TCF4: variants seen among roughly 807,000 people sequenced by gnomAD.
The protein encoded by TCF4 is SL3-3 enhancer factor 2.
TCF4 carries 3 observed loss-of-function variants against 82.1 expected under a neutral mutation model. The ratio of observed to expected loss-of-function variants is 0.04; its 90% confidence interval spans 0.02 to 0.09. The LOEUF (loss-of-function observed/expected upper bound fraction) is 0.09, where lower values mean the gene tolerates loss of function less well. TCF4 is among the 10% of genes least tolerant of loss of function. The pLI, the probability that TCF4 is intolerant of heterozygous loss-of-function variation, is 1.00. For missense variants in TCF4, 518 were observed against 852.7 expected, an observed-to-expected ratio of 0.61 and a Z score of 4.89; for synonymous variants, 276 against 309.6, an observed-to-expected ratio of 0.89 and a Z score of 1.14.
chr18:55,303,232 C>CACACACACACACACACACACACCCCT (rs2068912674), intron 8 of TCF4, among the ~76,000 whole-genome samples: 1 of 142,166 alleles, frequency 7.0e-6, no homozygotes, highest in South Asian at 2.4e-4. Flanking sequence ...TACGTACACA[C>CACACACACACACACACACACACCCCT]ACACACACAC....
intron 3 of TCF4, among the ~76,000 whole-genome samples, chr18:55,570,368 TAG>T (rs1326146543): frequency 1.3e-5 from 2 of 152,038 alleles, no homozygotes; most frequent in Non-Finnish European, 2.9e-5. Flanking sequence ...AGAGCTACCA[TAG>T]AGAGAGTAAA....
At chr18:55,432,394 AG>A (rs1195235275) in intron 5 of TCF4, among the ~76,000 whole-genome samples, 1 of 151,194 alleles carries the variant, frequency 6.6e-6, no homozygotes, top group Non-Finnish European at 1.5e-5. Flanking sequence ...AGTAAGTAGC[AG>A]GGAGGAAGGA....
At chr18:55,390,775 C>G (rs1380215037) in intron 6 of TCF4, among the ~76,000 whole-genome samples, 1 of 152,096 alleles carries the variant, frequency 6.6e-6, no homozygotes, top group African/African-American at 2.4e-5. Context: ...GTCTGGAGTC[C>G]AAAAACTGAT....
intron 8 of TCF4, among the ~76,000 whole-genome samples, chr18:55,296,998 C>G (rs2957289): frequency 6.6e-6 from 1 of 152,210 alleles, no homozygotes; most frequent in Middle Eastern, 3.4e-3. Flanking sequence ...AACACATTTT[C>G]TCAGCACTTC....
chr18:55,434,565 A>G (rs886675399), intron 5 of TCF4, among the ~76,000 whole-genome samples: 6 of 148,790 alleles, frequency 4.0e-5, no homozygotes, highest in African/African-American at 7.4e-5. Context: ...GACTACAGGC[A>G]CCCGCCACCA....
chr18:55,311,366 T>G (rs1312429113), intron 8 of TCF4, among the ~76,000 whole-genome samples: 1 of 152,176 alleles, frequency 6.6e-6, no homozygotes, highest in Non-Finnish European at 1.5e-5. Context: ...TGTTAAGATG[T>G]TTAGTAGCAT....
At chr18:55,317,584 G>T (rs778279490) in intron 8 of TCF4, among the ~76,000 whole-genome samples, 2 of 151,936 alleles carry the variant, frequency 1.3e-5, no homozygotes, top group Non-Finnish European at 1.5e-5. Flanking sequence ...GTTATTAGTG[G>T]CGTCATTTAA....
chr18:55,389,882 A>G (rs906137911), intron 6 of TCF4, among the ~76,000 whole-genome samples: 1 of 151,940 alleles, frequency 6.6e-6, no homozygotes. Context: ...GTATCTTGCA[A>G]GCAGAATTGA....
chr18:55,353,996 A>G (rs1276858473), intron 6 of TCF4, among the ~76,000 whole-genome samples: 1 of 152,168 alleles, frequency 6.6e-6, no homozygotes, highest in Non-Finnish European at 1.5e-5. Context: ...GCTGGGTCCC[A>G]GTAGTAGGCT....
At chr18:55,486,030 T>C (rs1181864844) in intron 3 of TCF4, among the ~76,000 whole-genome samples, 2 of 152,246 alleles carry the variant, frequency 1.3e-5, no homozygotes, top group African/African-American at 2.4e-5. Flanking sequence ...AGGCCATTTA[T>C]ATTTTCATTT....
chr18:55,251,929 G>GTT (rs1568455760), intron 15 of TCF4, among the ~76,000 whole-genome samples: 2 of 90,964 alleles, frequency 2.2e-5, no homozygotes, highest in African/African-American at 8.2e-5. Flanking sequence ...AGGGGGATGA[G>GTT]GTTTTTTTTT....
At chr18:55,292,488 T>C (rs2065313086) in intron 8 of TCF4, among the ~76,000 whole-genome samples, 1 of 152,220 alleles carries the variant, frequency 6.6e-6, no homozygotes, top group Non-Finnish European at 1.5e-5. Flanking sequence ...CTCAGGATTA[T>C]TTCTGTCTTT....
chr18:55,350,539 G>A (rs370160096), intron 7 of TCF4, 131 bp from the exon 8 acceptor site: 9 of 905,240 alleles, frequency 9.9e-6, no homozygotes, highest in South Asian at 4.2e-5. Context: ...TAGTTACCAC[G>A]ATCACATTCG....
At chr18:55,232,368 C>T in intron 17 of TCF4, 141 bp downstream of exon 17, 1 of 880,014 alleles carries the variant, frequency 1.1e-6, no homozygotes, top group Non-Finnish European at 1.8e-6. Flanking sequence ...ACTTTTAGTA[C>T]TTCTAGAGTA....
intron 3 of TCF4, among the ~76,000 whole-genome samples, chr18:55,476,380 TTGAG>T: frequency 6.6e-6 from 1 of 152,300 alleles, no homozygotes; most frequent in African/African-American, 2.4e-5. Flanking sequence ...CCATACAATA[TTGAG>T]TGAGTTAACT....
intron 3 of TCF4, among the ~76,000 whole-genome samples, chr18:55,511,602 C>T (rs976132288): frequency 6.6e-6 from 1 of 151,992 alleles, no homozygotes; most frequent in South Asian, 2.1e-4. Context: ...AGTCAAATAC[C>T]CTGAGTGATT....
At chr18:55,431,790 C>T (rs12963334) in intron 5 of TCF4, among the ~76,000 whole-genome samples, 74,321 of 151,882 alleles carry the variant, frequency 0.49, 20,630 homozygotes, top group South Asian at 0.65. Context: ...AGTGTTTCTT[C>T]TATTTCAATA....
intron 3 of TCF4, among the ~76,000 whole-genome samples, chr18:55,527,409 T>C (rs1459801500): frequency 1.3e-5 from 2 of 152,184 alleles, no homozygotes; most frequent in East Asian, 1.9e-4. Flanking sequence ...TAAGGAATTG[T>C]TTATATGCAT....
intron 3 of TCF4, among the ~76,000 whole-genome samples, chr18:55,560,422 A>C (rs1036246454): frequency 7.9e-5 from 12 of 152,334 alleles, no homozygotes; most frequent in African/African-American, 2.9e-4. Context: ...TCATCAGAAG[A>C]GTTAATTCAA....
Sources: allele counts gnomAD v4.1 joint callset (sites outside exome capture counted in the v4.1 genomes callset), GRCh38; gene constraint gnomAD v4.1.1; transcripts MANE v1.5; gene names NCBI Gene and HGNC (gene_info 2026-07-23, HGNC 2026-07-21).